DLG2: variants seen among roughly 807,000 people sequenced by gnomAD.
DLG2 encodes the protein disks large homolog 2.
In DLG2, 45 loss-of-function variants were observed where a neutral mutation model predicts 132.5. The ratio of observed to expected loss-of-function variants is 0.34; its 90% CI spans 0.27 to 0.44. DLG2 has a LOEUF of 0.44. Among genes scored for constraint, DLG2 ranks in the 20% least tolerant of loss-of-function variants. DLG2 has a pLI of 1.00. For missense variants in DLG2, 1,045 were observed against 1,196.9 expected (o/e 0.87, Z 1.87); for synonymous variants, 424 against 419.6 (o/e 1.01, Z -0.13).
At chr11:84,790,866 T>C (rs1479982737) in intron 6 of DLG2, among the ~76,000 whole-genome samples, 2 of 152,238 alleles carry the variant, frequency 1.3e-5, no homozygotes, top group Non-Finnish European at 2.9e-5. Flanking sequence ...TGTATGTTCT[T>C]GGCACCTTTG....
At chr11:84,266,867 C>G (rs369505943) in intron 7 of DLG2, among the ~76,000 whole-genome samples, 1 of 152,206 alleles carries the variant, frequency 6.6e-6, no homozygotes, top group African/African-American at 2.4e-5. Flanking sequence ...ACCATTCCAT[C>G]TATGCAGATT....
intron 7 of DLG2, among the ~76,000 whole-genome samples, chr11:84,499,053 G>C (rs555054250): frequency 6.6e-6 from 1 of 152,196 alleles, no homozygotes. Context: ...TTAATTCTTA[G>C]TAACTTGTTT....
chr11:83,572,013 T>C (rs2096804510), intron 19 of DLG2, among the ~76,000 whole-genome samples: 2 of 152,148 alleles, frequency 1.3e-5, no homozygotes, highest in Non-Finnish European at 2.9e-5. Flanking sequence ...TTACATATTA[T>C]ATATAAAGAT....
chr11:83,534,142 T>A (rs1302410330), intron 20 of DLG2, among the ~76,000 whole-genome samples: 1 of 152,214 alleles, frequency 6.6e-6, no homozygotes, highest in East Asian at 1.9e-4. Context: ...TCAGACATGA[T>A]TGCTCCTTTG....
At chr11:83,970,307 G>A (rs568302211) in intron 12 of DLG2, among the ~76,000 whole-genome samples, 17 of 152,252 alleles carry the variant, frequency 1.1e-4, no homozygotes, top group African/African-American at 3.6e-4. Context: ...TTTTCATAGA[G>A]TGACTTTGCT....
At chr11:85,243,132 A>T (rs2075971692) in intron 4 of DLG2, among the ~76,000 whole-genome samples, 1 of 151,920 alleles carries the variant, frequency 6.6e-6, no homozygotes, top group Non-Finnish European at 1.5e-5. Flanking sequence ...TCCCCCTACC[A>T]CCAACAGTTG....
rs77233260 is a variant in DLG2 at position 84,860,623 on chromosome 11, T to C, written c.357+251038A>G. 4.8e-3 allele frequency among the ~76,000 whole-genome samples: 733 copies of C among 152,254 alleles called. 6 individuals carry two copies. Among genetic ancestry groups the C allele is most frequent in the African/African-American group, 0.017 (709 of 41,572 alleles). On this transcript the variant is annotated intron_variant, in intron 6 of 27. Transcript: ENST00000376104. Reference sequence around the variant, plus strand: ...GAAATTCATCTGATGAATCACATAATAGTGTCTGTAAAATAATAATAAAGG... The same window carrying C: ...GAAATTCATCTGATGAATCACATAACAGTGTCTGTAAAATAATAATAAAGG...
At chr11:85,404,839 T>A (rs957711551) in intron 3 of DLG2, among the ~76,000 whole-genome samples, 1 of 151,952 alleles carries the variant, frequency 6.6e-6, no homozygotes, top group Non-Finnish European at 1.5e-5. Flanking sequence ...TCATAACGTA[T>A]CACAGAGCAA....
rs1173235840 is a variant in DLG2, at chr11:83,912,266, A to G, written c.1496+18062T>C. On this transcript the variant is annotated intron_variant, in intron 15 of 27. Transcript: ENST00000376104. Reference sequence around the variant, plus strand: ...TAACATTATTGATGACGACTTGTATATATAGTAATCATCCAACTTATGACT... The same window carrying G: ...TAACATTATTGATGACGACTTGTATGTATAGTAATCATCCAACTTATGACT... Among the ~76,000 whole-genome samples, 5 of 152,284 alleles carry G rather than the reference A, an allele frequency of 3.3e-5. No homozygotes were observed. The East Asian group carries it at 9.7e-4, about 29-fold the overall frequency.
At chr11:83,951,606 G>A (rs1277791897) in intron 14 of DLG2, among the ~76,000 whole-genome samples, 2 of 152,082 alleles carry the variant, frequency 1.3e-5, no homozygotes, top group Non-Finnish European at 2.9e-5. Flanking sequence ...AGAAGGAGGG[G>A]CAAGCACAAA....
At chr11:84,633,070 T>C (rs1206152508) in intron 6 of DLG2, among the ~76,000 whole-genome samples, 3 of 152,160 alleles carry the variant, frequency 2.0e-5, no homozygotes, top group Non-Finnish European at 4.4e-5. Flanking sequence ...ATAATTCAAA[T>C]AAAATGATGT....
At chr11:85,404,427 T>A (rs1270204246) in intron 3 of DLG2, among the ~76,000 whole-genome samples, 1 of 151,962 alleles carries the variant, frequency 6.6e-6, no homozygotes, top group Non-Finnish European at 1.5e-5. Context: ...TCTATTATTA[T>A]TGATCACCTA....
At chr11:83,913,166 C>T (rs1337375546) in intron 15 of DLG2, among the ~76,000 whole-genome samples, 8 of 151,930 alleles carry the variant, frequency 5.3e-5, no homozygotes, top group Admixed American at 5.3e-4. Context: ...TCAGAATATG[C>T]CCTCGATTAT....
chr11:85,516,521 A>C (rs2094172766), intron 3 of DLG2, among the ~76,000 whole-genome samples: 1 of 152,110 alleles, frequency 6.6e-6, no homozygotes, highest in African/African-American at 2.4e-5. Flanking sequence ...AAATGTAAAC[A>C]AAAGTGATAG....
chr11:84,711,107 A>C (rs1180438577), intron 6 of DLG2, among the ~76,000 whole-genome samples: 1 of 150,676 alleles, frequency 6.6e-6, no homozygotes, highest in Non-Finnish European at 1.5e-5. Flanking sequence ...TGTCTCTGGA[A>C]GTATAATCTG....
chr11:84,789,153 A>G (rs1284008516), intron 6 of DLG2, among the ~76,000 whole-genome samples: 2 of 152,172 alleles, frequency 1.3e-5, no homozygotes, highest in Non-Finnish European at 2.9e-5. Flanking sequence ...TAGAAACTGC[A>G]GTGTTTTCAT....
intron 3 of DLG2, among the ~76,000 whole-genome samples, chr11:85,597,799 C>T (rs2079879058): frequency 2.6e-5 from 4 of 151,508 alleles, no homozygotes. Flanking sequence ...CTAGGAGACT[C>T]AGTTATTTCT....
chr11:85,243,579 G>C (rs1403457330), intron 4 of DLG2, among the ~76,000 whole-genome samples: 1 of 151,892 alleles, frequency 6.6e-6, no homozygotes, highest in Non-Finnish European at 1.5e-5. Flanking sequence ...CTAGTTTTCA[G>C]TTTCCTGTCT....
chr11:84,286,174 T>G (rs1290813986), intron 7 of DLG2, among the ~76,000 whole-genome samples: 3 of 152,190 alleles, frequency 2.0e-5, no homozygotes, highest in Admixed American at 2.0e-4. Context: ...AAGTTCTTTA[T>G]CACGTGTTGT....
Sources: allele counts gnomAD v4.1 joint callset (sites outside exome capture counted in the v4.1 genomes callset), GRCh38; gene constraint gnomAD v4.1.1; transcripts MANE v1.5; gene names NCBI Gene and HGNC (gene_info 2026-07-23, HGNC 2026-07-21).